NIPBL: variants seen among roughly 807,000 people sequenced by gnomAD.
The protein encoded by NIPBL is nipped-B-like protein.
A neutral mutation model predicts 321.8 loss-of-function variants in NIPBL; 19 were observed. That is an observed-to-expected ratio of 0.06 (90% CI 0.04 to 0.09). The LOEUF (loss-of-function observed/expected upper bound fraction) is 0.09, where lower values mean the gene tolerates loss of function less well. Among genes scored for constraint, NIPBL ranks in the 10% least tolerant of loss-of-function variants. The pLI, the probability that NIPBL is intolerant of heterozygous loss-of-function variation, is 1.00. For missense variants in NIPBL, 2,210 were observed against 3,327.0 expected (o/e 0.66, Z 8.26); for synonymous variants, 1,106 against 1,114.1 (o/e 0.99, Z 0.14).
chr5:36,878,011 GT>G (rs1454030910), intron 1 of NIPBL, among the ~76,000 whole-genome samples: 3 of 152,214 alleles, frequency 2.0e-5, no homozygotes, highest in African/African-American at 7.2e-5. Context: ...TGTAAGGGCA[GT>G]TTTAAGCGAC....
At chr5:36,957,903 A>G (rs1298816633) in intron 3 of NIPBL, among the ~76,000 whole-genome samples, 2 of 151,888 alleles carry the variant, frequency 1.3e-5, no homozygotes, top group Non-Finnish European at 1.5e-5. Flanking sequence ...GAATCACTTG[A>G]ACCTGGGAGA....
At chr5:37,025,857 A>G (rs1317225612) in intron 30 of NIPBL, among the ~76,000 whole-genome samples, 1 of 152,072 alleles carries the variant, frequency 6.6e-6, no homozygotes, top group Non-Finnish European at 1.5e-5. Flanking sequence ...ATTTACATTT[A>G]TATATAATAA....
chr5:37,054,232 T>G (rs463041), intron 42 of NIPBL, among the ~76,000 whole-genome samples: 1 of 151,880 alleles, frequency 6.6e-6, no homozygotes, highest in Non-Finnish European at 1.5e-5. Flanking sequence ...AGAAATACTT[T>G]AATTACTTGT....
At position 37,026,735 on chromosome 5, in the gene NIPBL, A is replaced by G. The variant is rs77377332; in HGVS notation, c.5808+408A>G. Among the ~76,000 whole-genome samples the G allele has an allele frequency of 1.6e-3, 249 of 152,240 alleles. 3 individuals carry two copies. The highest frequency in any genetic ancestry group is 5.8e-3 in the African/African-American group (242 of 41,556). ...ATAAGCTATACATTTTGTGTTTTTA[A>G]TATAAGAAATTTTTGCCAGTCACAG... On this transcript the variant is annotated intron_variant, in intron 31 of 46. Transcript: ENST00000282516.
intron 42 of NIPBL, among the ~76,000 whole-genome samples, chr5:37,053,511 A>G (rs879306387): frequency 2.4e-4 from 37 of 152,250 alleles, no homozygotes; most frequent in Non-Finnish European, 4.6e-4. Context: ...AATTAAAACA[A>G]TATACTGTAA....
At chr5:37,055,572 A>G (rs1320168535) in intron 42 of NIPBL, among the ~76,000 whole-genome samples, 4 of 152,006 alleles carry the variant, frequency 2.6e-5, no homozygotes, top group South Asian at 2.1e-4. Flanking sequence ...AGGAAGAGAA[A>G]ACTTAGGAAG....
chr5:37,024,867 AT>A (rs899972634), intron 30 of NIPBL, 148 bp downstream of exon 30: 60 of 635,878 alleles, frequency 9.4e-5, no homozygotes, highest in Admixed American at 1.4e-4. Flanking sequence ...ACATACTTTA[AT>A]TTTTTTTGTT....
chr5:36,952,368 A>G (rs936278268), intron 1 of NIPBL, among the ~76,000 whole-genome samples: 3 of 152,136 alleles, frequency 2.0e-5, no homozygotes, highest in Non-Finnish European at 4.4e-5. Flanking sequence ...GGAAATTACA[A>G]TTCCGTTTTT....
chr5:36,984,756 C>G lies in NIPBL; in HGVS notation c.1576C>G (p.Gln526Glu). ...TACAGGAGGTAATAGACCAGCTTCT[C>G]AGGAGACGGGTTCTACGGGAAATGG... ...GATGGNRPASQETGSTGNGSR... is the reference protein window; with the variant it reads ...GATGGNRPASEETGSTGNGSR... Residue 526 changes from glutamine to glutamate, a missense_variant, in exon 10 of 47, where the codon CAG becomes GAG. Physicochemically the swap from Gln to Glu is conservative, Grantham distance 29. This residue lies in a region of NIPBL where 588 missense variants were observed against 564.1 expected (regional missense o/e 1.04). Coordinates refer to ENST00000282516, the MANE Select transcript of NIPBL (RefSeq NM_133433.4). The G allele has an allele frequency of 6.2e-7, 1 of 1,613,752 alleles. No homozygotes were observed. The highest frequency in any genetic ancestry group is 8.5e-7 in the Non-Finnish European group (1 of 1,179,792).
chr5:37,046,732 A>G (rs1414993575), intron 38 of NIPBL, among the ~76,000 whole-genome samples: 2 of 152,204 alleles, frequency 1.3e-5, no homozygotes, highest in East Asian at 1.9e-4. Flanking sequence ...TGATGTAATA[A>G]AAACATGTTT....
rs1400551368 is a variant in NIPBL, at chr5:36,953,709, A to G, written c.13A>G (p.Met5Val). The change falls in exon 2 of 47, where the codon ATG (methionine) becomes GTG (valine). Residue 5 changes from methionine to valine, a missense_variant. By Grantham distance (21) the Met-to-Val change is conservative. Transcript: ENST00000282516. ...CCAGAAATTCAGGATGAATGGGGATATGCCCCATGTCCCCATTACTACTCT... is the reference window on the plus strand; with the variant it reads ...CCAGAAATTCAGGATGAATGGGGATGTGCCCCATGTCCCCATTACTACTCT... MNGD[M>V]PHVPITTLAG... 2 of 1,613,736 alleles carry G rather than the reference A, an allele frequency of 1.2e-6. No homozygotes were observed. Among genetic ancestry groups the G allele is most frequent in the Admixed American group, 1.7e-5 (1 of 60,010 alleles).
At chr5:37,056,090 T>C (rs1003639060) in intron 42 of NIPBL, among the ~76,000 whole-genome samples, 7 of 152,134 alleles carry the variant, frequency 4.6e-5, no homozygotes, top group African/African-American at 1.7e-4. Context: ...GAAGAAAATA[T>C]GTATATTTTC....
intron 1 of NIPBL, among the ~76,000 whole-genome samples, chr5:36,913,902 T>C (rs1334745806): frequency 1.3e-5 from 2 of 152,208 alleles, no homozygotes; most frequent in African/African-American, 2.4e-5. Flanking sequence ...TTAAACCCTG[T>C]ATTAGTCAGA....
chr5:37,009,162 G>T (rs966759961), intron 20 of NIPBL, among the ~76,000 whole-genome samples: 1 of 151,860 alleles, frequency 6.6e-6, no homozygotes, highest in Admixed American at 6.6e-5. Context: ...AGAAGATCTT[G>T]TTCATCCTGT....
chr5:37,022,537 C>T (rs1046941654), intron 29 of NIPBL, 147 bp downstream of exon 29: 3 of 698,704 alleles, frequency 4.3e-6, no homozygotes, highest in Non-Finnish European at 6.9e-6. Context: ...ACTTTCTAAA[C>T]AAGTACATAT....
chr5:36,897,977 TTAAA>T (rs1182482316), intron 1 of NIPBL, among the ~76,000 whole-genome samples: 2 of 151,736 alleles, frequency 1.3e-5, no homozygotes, highest in Non-Finnish European at 2.9e-5. Flanking sequence ...ATATTGTGAT[TTAAA>T]TAAATCTATT....
chr5:37,008,743 G>T lies in NIPBL; in HGVS notation c.4421+20G>T, dbSNP rs757831744. 5.6e-6 allele frequency: 7 copies of T among 1,240,690 alleles called. No individual in the cohort carries two copies. The highest frequency in any genetic ancestry group is 8.3e-6 in the Non-Finnish European group (7 of 839,630). 76.9% of individuals were successfully genotyped at this position (1,240,690 alleles called of 1,614,324 possible). A position where few individuals can be genotyped will look rare whatever the true frequency, so the allele number is the denominator to read the frequency against. On this transcript the variant is annotated intron_variant, in intron 20 of 46. Transcript: ENST00000282516. Reference sequence around the variant, plus strand: ...CTTCAGGTAATTAATTATAACAGAGGTCAAGTTTAATGAAGAACCACCATT... The same window carrying T: ...CTTCAGGTAATTAATTATAACAGAGTTCAAGTTTAATGAAGAACCACCATT...
At chr5:37,064,500 CT>C (rs746239099) in intron 46 of NIPBL, 26 bp from the exon 47 acceptor site, 14 of 1,608,370 alleles carry the variant, frequency 8.7e-6, no homozygotes, top group East Asian at 2.2e-5. Context: ...AACACTTGGT[CT>C]TTTTTCCCCC....
At chr5:36,877,602 A>G in intron 1 of NIPBL, among the ~76,000 whole-genome samples, 1 of 152,158 alleles carries the variant, frequency 6.6e-6, no homozygotes, top group East Asian at 1.9e-4. Flanking sequence ...TCGTCCCCAT[A>G]TTTACAACTT....
Sources: gnomAD v4.1 joint callset for allele counts (sites outside exome capture counted in the v4.1 genomes callset) on GRCh38, gnomAD v4.1.1 for gene constraint, gnomAD v4.1.1 regional missense constraint, MANE v1.5 for transcripts, NCBI Gene and HGNC (gene_info 2026-07-23, HGNC 2026-07-21) for gene names.